Variants in IMMP2L observed in about 807,000 individuals in gnomAD.
The protein encoded by IMMP2L is mitochondrial inner membrane protease subunit 2.
IMMP2L carries 18 observed loss-of-function variants against 19.3 expected under a neutral mutation model. That is an observed-to-expected ratio of 0.93 (90% CI 0.64 to 1.38). The LOEUF (loss-of-function observed/expected upper bound fraction) is 1.38, where lower values mean the gene tolerates loss of function less well. IMMP2L is among the 40% of genes most tolerant of loss of function. The pLI is 0.00. For missense variants in IMMP2L, 233 were observed against 218.2 expected, an observed-to-expected ratio of 1.07 and a Z score of -0.43; for synonymous variants, 76 against 73.0, an observed-to-expected ratio of 1.04 and a Z score of -0.21.
chr7:110,935,382 G>C (rs1815989547), intron 4 of IMMP2L, among the ~76,000 whole-genome samples: 1 of 152,008 alleles, frequency 6.6e-6, no homozygotes, highest in South Asian at 2.1e-4. Context: ...AGTCTGATGG[G>C]CTTCCCTTTG....
intron 5 of IMMP2L, among the ~76,000 whole-genome samples, chr7:110,848,582 A>G (rs1805897316): frequency 6.6e-6 from 1 of 152,160 alleles, no homozygotes; most frequent in South Asian, 2.1e-4. Flanking sequence ...CTGAAAACTT[A>G]TGTGCACACA....
chr7:110,921,315 G>GT (rs1373317301), intron 4 of IMMP2L, among the ~76,000 whole-genome samples: 1 of 152,170 alleles, frequency 6.6e-6, no homozygotes, highest in Non-Finnish European at 1.5e-5. Context: ...ATCTGAGGAG[G>GT]TTTCTCAAGA....
intron 4 of IMMP2L, among the ~76,000 whole-genome samples, chr7:110,912,865 T>C (rs1281509825): frequency 6.6e-6 from 1 of 151,950 alleles, no homozygotes; most frequent in Non-Finnish European, 1.5e-5. Context: ...CAACCCACAC[T>C]ATGAGAACTT....
chr7:110,726,765 A>C (rs17477170), intron 5 of IMMP2L, among the ~76,000 whole-genome samples: 6 of 152,170 alleles, frequency 3.9e-5, no homozygotes, highest in Non-Finnish European at 8.8e-5. Flanking sequence ...TGAGAAACCT[A>C]AAGTCCAAGT....
intron 4 of IMMP2L, 77 bp downstream of exon 4, chr7:110,963,423 T>C (rs746776819): frequency 9.7e-7 from 1 of 1,025,704 alleles, no homozygotes; most frequent in Non-Finnish European, 1.5e-6. Context: ...GGACTTCAGA[T>C]GTATTTCCCA....
chr7:111,002,332 T>G (rs1823801859), intron 3 of IMMP2L, among the ~76,000 whole-genome samples: 1 of 152,108 alleles, frequency 6.6e-6, no homozygotes, highest in South Asian at 2.1e-4. Flanking sequence ...TGTTAACTGA[T>G]GAGGATGATC....
chr7:110,917,107 G>T (rs1195069807), intron 4 of IMMP2L, among the ~76,000 whole-genome samples: 1 of 152,082 alleles, frequency 6.6e-6, no homozygotes, highest in Non-Finnish European at 1.5e-5. Context: ...AACACACGTG[G>T]GAGAAACAAG....
At chr7:110,981,367 C>A (rs1821278593) in intron 3 of IMMP2L, among the ~76,000 whole-genome samples, 1 of 152,028 alleles carries the variant, frequency 6.6e-6, no homozygotes, top group Admixed American at 6.5e-5. Context: ...TTATACTGGG[C>A]AAATAACACA....
intron 3 of IMMP2L, among the ~76,000 whole-genome samples, chr7:111,165,590 A>G (rs1367422862): frequency 6.6e-6 from 1 of 151,930 alleles, no homozygotes; most frequent in African/African-American, 2.4e-5. Flanking sequence ...ATTTTTATCT[A>G]CTTATTTTAT....
At chr7:111,220,737 C>G (rs1812424127) in intron 3 of IMMP2L, among the ~76,000 whole-genome samples, 1 of 151,920 alleles carries the variant, frequency 6.6e-6, no homozygotes, top group Non-Finnish European at 1.5e-5. Flanking sequence ...AATTTTCCAA[C>G]TGAAAGCTGG....
intron 3 of IMMP2L, among the ~76,000 whole-genome samples, chr7:111,310,951 T>C (rs567469175): frequency 5.9e-5 from 9 of 152,290 alleles, no homozygotes; most frequent in African/African-American, 2.2e-4. Flanking sequence ...GCAAGGCAAG[T>C]AGGTGAGTAA....
At chr7:111,148,552 T>C (rs1439855385) in intron 3 of IMMP2L, among the ~76,000 whole-genome samples, 1 of 152,044 alleles carries the variant, frequency 6.6e-6, no homozygotes, top group Non-Finnish European at 1.5e-5. Flanking sequence ...TAAAAACATT[T>C]CAGTAGATGA....
chr7:111,386,744 A>G (rs895383808), intron 3 of IMMP2L, among the ~76,000 whole-genome samples: 1 of 152,214 alleles, frequency 6.6e-6, no homozygotes, highest in Non-Finnish European at 1.5e-5. Context: ...TTCTCTGTCC[A>G]TATCATGTGT....
chr7:110,698,717 C>T (rs1167846226), intron 5 of IMMP2L, among the ~76,000 whole-genome samples: 1 of 152,218 alleles, frequency 6.6e-6, no homozygotes, highest in East Asian at 1.9e-4. Flanking sequence ...GATTTCGTTA[C>T]ATGCAGTTAA....
intron 3 of IMMP2L, among the ~76,000 whole-genome samples, chr7:111,013,938 G>A (rs139801152): frequency 6.8e-4 from 103 of 151,994 alleles, no homozygotes; most frequent in African/African-American, 2.2e-3. Flanking sequence ...ATATCAAGGA[G>A]GTCTTGACCT....
chr7:111,110,399 T>A (rs1037460089), intron 3 of IMMP2L, among the ~76,000 whole-genome samples: 1 of 152,200 alleles, frequency 6.6e-6, no homozygotes, highest in African/African-American at 2.4e-5. Flanking sequence ...TTTTATTCAC[T>A]GAAATAATAT....
At chr7:110,972,199 T>TA (rs1468538191) in intron 3 of IMMP2L, among the ~76,000 whole-genome samples, 19 of 152,128 alleles carry the variant, frequency 1.2e-4, no homozygotes, top group Middle Eastern at 3.4e-3. Context: ...CTTGGGATTT[T>TA]AAAAAATCAA....
intron 3 of IMMP2L, among the ~76,000 whole-genome samples, chr7:111,191,027 C>G (rs1011077436): frequency 6.6e-6 from 1 of 151,994 alleles, no homozygotes; most frequent in South Asian, 2.1e-4. Flanking sequence ...AAGAACTGAC[C>G]ACTGCAGTGG....
chr7:110,865,580 T>C (rs1807901533), intron 5 of IMMP2L, among the ~76,000 whole-genome samples: 1 of 151,980 alleles, frequency 6.6e-6, no homozygotes, highest in African/African-American at 2.4e-5. Flanking sequence ...TAGAGATAGA[T>C]TAAATAAAAC....
Sources: gnomAD v4.1 joint callset for allele counts (sites outside exome capture counted in the v4.1 genomes callset) on GRCh38, gnomAD v4.1.1 for gene constraint, MANE v1.5 for transcripts, NCBI Gene and HGNC (gene_info 2026-07-23, HGNC 2026-07-21) for gene names.